RBFOX1: variants seen among roughly 807,000 people sequenced by gnomAD.
RBFOX1 encodes RNA binding protein fox-1 homolog 1.
Under a neutral mutation model 57.7 loss-of-function variants are expected in RBFOX1, and 8 were observed. The ratio of observed to expected loss-of-function variants is 0.14; its 90% CI spans 0.08 to 0.25. The LOEUF is 0.25. Ranked by LOEUF, RBFOX1 falls within the 10% of genes least tolerant of loss-of-function variation. The probability of loss-of-function intolerance (pLI) is 1.00; values close to 1 mark genes in which losing one functional copy is unlikely to be tolerated. For synonymous variants in RBFOX1, 326 were observed against 222.4 expected, an observed-to-expected ratio of 1.47 and a Z score of -4.15; for missense variants, 611 against 548.5, an observed-to-expected ratio of 1.11 and a Z score of -1.14.
At chr16:7,402,547 A>C (rs992043667) in intron 4 of RBFOX1, among the ~76,000 whole-genome samples, 4 of 152,190 alleles carry the variant, frequency 2.6e-5, no homozygotes, top group African/African-American at 9.7e-5. Context: ...CAGACTTCAA[A>C]GTATGTGAAC....
At chr16:7,228,073 C>G (rs1243442918) in intron 4 of RBFOX1, among the ~76,000 whole-genome samples, 1 of 152,102 alleles carries the variant, frequency 6.6e-6, no homozygotes, top group Non-Finnish European at 1.5e-5. Context: ...GCCTGATATC[C>G]TCTGTGGGTG....
chr16:5,370,918 C>T (rs1048850065), intron 1 of RBFOX1, among the ~76,000 whole-genome samples: 1 of 152,180 alleles, frequency 6.6e-6, no homozygotes, highest in African/African-American at 2.4e-5. Flanking sequence ...TGTCCATTTC[C>T]CAAATTCACA....
intron 1 of RBFOX1, among the ~76,000 whole-genome samples, chr16:6,247,224 C>T (rs754322653): frequency 2.0e-5 from 3 of 152,166 alleles, no homozygotes; most frequent in Non-Finnish European, 4.4e-5. Context: ...TCACTTTCTT[C>T]CCCTTGTCTC....
At chr16:6,918,123 A>C (rs1003448954) in intron 3 of RBFOX1, among the ~76,000 whole-genome samples, 8 of 152,118 alleles carry the variant, frequency 5.3e-5, no homozygotes, top group Non-Finnish European at 1.0e-4. Flanking sequence ...CCCTGTCTCT[A>C]CTAAAAATGC....
intron 1 of RBFOX1, among the ~76,000 whole-genome samples, chr16:5,242,094 A>G (rs2062182783): frequency 6.6e-6 from 1 of 152,156 alleles, no homozygotes. Context: ...AGTCTAGGTG[A>G]CAAAGTGAGA....
chr16:5,350,685 G>A (rs2065243165), intron 1 of RBFOX1, among the ~76,000 whole-genome samples: 1 of 152,134 alleles, frequency 6.6e-6, no homozygotes, highest in South Asian at 2.1e-4. Flanking sequence ...GGCCAACATG[G>A]TGAAACCCCG....
At chr16:7,166,766 C>G (rs1396018540) in intron 4 of RBFOX1, among the ~76,000 whole-genome samples, 1 of 151,992 alleles carries the variant, frequency 6.6e-6, no homozygotes, top group Non-Finnish European at 1.5e-5. Flanking sequence ...TGAGTGCGCA[C>G]TGGGTGGATA....
chr16:6,626,833 G>C (rs2098315194), intron 2 of RBFOX1, among the ~76,000 whole-genome samples: 1 of 152,166 alleles, frequency 6.6e-6, no homozygotes, highest in Non-Finnish European at 1.5e-5. Context: ...GTGAGGCTGT[G>C]TTGTAAACAT....
chr16:6,273,212 T>C (rs1370641417), intron 1 of RBFOX1, among the ~76,000 whole-genome samples: 1 of 151,542 alleles, frequency 6.6e-6, no homozygotes, highest in Non-Finnish European at 1.5e-5. Context: ...TGAGCCATGA[T>C]CATGCCACTG....
chr16:7,481,632 T>C (rs927583306), intron 4 of RBFOX1, among the ~76,000 whole-genome samples: 1 of 152,222 alleles, frequency 6.6e-6, no homozygotes, highest in Non-Finnish European at 1.5e-5. Flanking sequence ...TATCTTCTAT[T>C]GAAAACATAT....
intron 4 of RBFOX1, among the ~76,000 whole-genome samples, chr16:5,964,619 C>G (rs971581877): frequency 3.3e-5 from 5 of 151,916 alleles, no homozygotes; most frequent in East Asian, 3.9e-4. Flanking sequence ...ATATATCTCA[C>G]ATATACCATA....
chr16:6,629,775 G>T (rs567138351), intron 2 of RBFOX1, among the ~76,000 whole-genome samples: 1 of 152,296 alleles, frequency 6.6e-6, no homozygotes, highest in South Asian at 2.1e-4. Context: ...TAGTCCTTCT[G>T]AGATAGCTTC....
chr16:5,457,987 A>G, intron 1 of RBFOX1, among the ~76,000 whole-genome samples: 1 of 152,090 alleles, frequency 6.6e-6, no homozygotes, highest in Middle Eastern at 3.2e-3. Flanking sequence ...ACAAGAACCA[A>G]CTTGAATAGC....
intron 1 of RBFOX1, among the ~76,000 whole-genome samples, chr16:5,369,525 A>G (rs2151366464): frequency 6.6e-6 from 1 of 152,350 alleles, no homozygotes; most frequent in Non-Finnish European, 1.5e-5. Flanking sequence ...TCTCCGTGGT[A>G]CATGCTGCTA....
At chr16:6,093,704 C>G (rs373959865) in intron 1 of RBFOX1, among the ~76,000 whole-genome samples, 50 of 152,054 alleles carry the variant, frequency 3.3e-4, no homozygotes, top group African/African-American at 1.1e-3. Flanking sequence ...TCCCTGCAGC[C>G]TTAACCTCCT....
intron 1 of RBFOX1, among the ~76,000 whole-genome samples, chr16:6,064,557 T>C (rs911012450): frequency 1.3e-5 from 2 of 152,146 alleles, no homozygotes; most frequent in Non-Finnish European, 2.9e-5. Context: ...ATTATTATTT[T>C]TTTAGACGGA....
chr16:6,259,608 C>T (rs893687530), intron 1 of RBFOX1, among the ~76,000 whole-genome samples: 3 of 152,000 alleles, frequency 2.0e-5, no homozygotes, highest in Non-Finnish European at 4.4e-5. Context: ...GACGAAAGTG[C>T]AAGTGGATTG....
At chr16:6,059,656 T>A (rs8047103) in intron 1 of RBFOX1, among the ~76,000 whole-genome samples, 13,592 of 152,230 alleles carry the variant, frequency 0.089, 736 homozygotes, top group African/African-American at 0.13. Flanking sequence ...ACTGAGCATC[T>A]CTCAGTTTTA....
At chr16:6,955,020 C>T (rs1332867522) in intron 3 of RBFOX1, among the ~76,000 whole-genome samples, 21 of 150,298 alleles carry the variant, frequency 1.4e-4, no homozygotes, top group African/African-American at 3.7e-4. Context: ...TGCTTGAGCC[C>T]GGGAGTTCAA....
Sources: allele counts gnomAD v4.1 joint callset (sites outside exome capture counted in the v4.1 genomes callset), GRCh38; gene constraint gnomAD v4.1.1; transcripts MANE v1.5; gene names NCBI Gene and HGNC (gene_info 2026-07-23, HGNC 2026-07-21).